SDK1: variants seen among roughly 807,000 people sequenced by gnomAD.
The protein encoded by SDK1 is protein sidekick-1.
In SDK1, 157 loss-of-function variants were observed where a neutral mutation model predicts 245.5. The ratio of observed to expected loss-of-function variants is 0.64; its 90% confidence interval spans 0.56 to 0.73. The LOEUF is 0.73. Among genes scored for constraint, SDK1 ranks in the 30% least tolerant of loss-of-function variants. SDK1 has a pLI of 0.00. For synonymous variants in SDK1, 1,647 were observed against 1,278.5 expected, an observed-to-expected ratio of 1.29 and a Z score of -6.15; for missense variants, 3,583 against 3,002.3, an observed-to-expected ratio of 1.19 and a Z score of -4.52.
intron 5 of SDK1, among the ~76,000 whole-genome samples, chr7:3,899,257 T>A (rs530218135): frequency 2.0e-5 from 3 of 152,178 alleles, no homozygotes; most frequent in African/African-American, 4.8e-5. Context: ...TACAGAAATA[T>A]TGCGCTTTAA....
At chr7:4,229,072 C>T (rs1453314184) in intron 40 of SDK1, among the ~76,000 whole-genome samples, 1 of 152,214 alleles carries the variant, frequency 6.6e-6, no homozygotes, top group Non-Finnish European at 1.5e-5. Context: ...TTGCATAAAT[C>T]TCATTTTTGC....
intron 19 of SDK1, 86 bp downstream of exon 19, chr7:4,051,916 G>C (rs1778879021): frequency 2.3e-6 from 3 of 1,309,058 alleles, no homozygotes; most frequent in Non-Finnish European, 3.2e-6. Flanking sequence ...CAAGGGCAGA[G>C]GTGGATCACG....
At position 3,766,669 on chromosome 7, in the gene SDK1, T is replaced by C. The variant is rs192228027; in HGVS notation, c.714-54781T>C. 5.0e-3 allele frequency among the ~76,000 whole-genome samples: 756 copies of C among 152,314 alleles called. 6 individuals carry two copies. The highest frequency in any genetic ancestry group is 0.015 in the South Asian group (74 of 4,832). On this transcript the variant is annotated intron_variant, in intron 4 of 44. Coordinates refer to ENST00000404826, the MANE Select transcript of SDK1 (RefSeq NM_152744.4). ...AATAGCTTTTGGTTATTATGGGCTA[T>C]TATGACTTCAGAAATAATAAATATA...
chr7:3,678,721 C>T (rs1484456109), intron 4 of SDK1, among the ~76,000 whole-genome samples: 1 of 152,114 alleles, frequency 6.6e-6, no homozygotes, highest in Non-Finnish European at 1.5e-5. Flanking sequence ...ATATGCACAA[C>T]ACTGTGAATG....
chr7:3,874,159 A>C (rs887032043), intron 5 of SDK1, among the ~76,000 whole-genome samples: 3 of 152,170 alleles, frequency 2.0e-5, no homozygotes, highest in African/African-American at 7.2e-5. Context: ...AGATTTGGCT[A>C]GGTTTAAAGT....
chr7:3,865,150 G>A (rs572706030), intron 5 of SDK1, among the ~76,000 whole-genome samples: 2 of 152,284 alleles, frequency 1.3e-5, no homozygotes, highest in Non-Finnish European at 2.9e-5. Context: ...AGTGATGAAC[G>A]TCCACAGAGA....
intron 5 of SDK1, among the ~76,000 whole-genome samples, chr7:3,821,891 A>C (rs1779656185): frequency 6.6e-6 from 1 of 152,202 alleles, no homozygotes; most frequent in Non-Finnish European, 1.5e-5. Flanking sequence ...AAGAACTTTC[A>C]ATTTAAATGA....
At chr7:3,550,981 T>C (rs952139012) in intron 1 of SDK1, among the ~76,000 whole-genome samples, 1 of 152,246 alleles carries the variant, frequency 6.6e-6, no homozygotes, top group Non-Finnish European at 1.5e-5. Flanking sequence ...ACAGAATGTA[T>C]AGCAGTGTTG....
chr7:4,224,338 A>G (rs1785301525), intron 40 of SDK1, among the ~76,000 whole-genome samples: 1 of 152,272 alleles, frequency 6.6e-6, no homozygotes, highest in African/African-American at 2.4e-5. Flanking sequence ...CAATCATGGC[A>G]GAAAGCCAAC....
chr7:3,361,858 A>G (rs1004436556), intron 1 of SDK1, among the ~76,000 whole-genome samples: 3 of 152,070 alleles, frequency 2.0e-5, no homozygotes, highest in Admixed American at 2.0e-4. Context: ...TACTAATAAT[A>G]CTGAAAGTAA....
chr7:3,798,343 G>T (rs1354894513), intron 4 of SDK1, among the ~76,000 whole-genome samples: 1 of 149,642 alleles, frequency 6.7e-6, no homozygotes, highest in Admixed American at 6.7e-5. Context: ...TCAGCCTCCC[G>T]AGTAGCTGGG....
chr7:3,466,742 A>G (rs971062519), intron 1 of SDK1, among the ~76,000 whole-genome samples: 1 of 151,824 alleles, frequency 6.6e-6, no homozygotes, highest in East Asian at 1.9e-4. Context: ...ATAATCTGTC[A>G]AGAGGATTAT....
chr7:3,583,123 C>G lies in SDK1; in HGVS notation c.299-35957C>G, dbSNP rs1780565121. Among the ~76,000 whole-genome samples, 4 of 152,200 alleles carry G rather than the reference C, an allele frequency of 2.6e-5. No individual in the cohort carries two copies. In the South Asian group the frequency reaches 6.2e-4, roughly 24 times the overall value. ...TGGAGACCGGAGGTATCGGTGTCAACACTCTGCAGGCCTCCAGCTGGTTCC... is the reference window on the plus strand; with the variant it reads ...TGGAGACCGGAGGTATCGGTGTCAAGACTCTGCAGGCCTCCAGCTGGTTCC... On this transcript the variant is annotated intron_variant, in intron 1 of 44. Transcript: ENST00000404826.
intron 20 of SDK1, among the ~76,000 whole-genome samples, chr7:4,074,435 C>T (rs963139368): frequency 1.3e-5 from 2 of 152,116 alleles, no homozygotes; most frequent in Admixed American, 1.3e-4. Flanking sequence ...TTGGTTTCTT[C>T]CTTTGTGAAA....
intron 1 of SDK1, among the ~76,000 whole-genome samples, chr7:3,574,766 A>G (rs998460271): frequency 3.3e-5 from 5 of 152,130 alleles, no homozygotes; most frequent in Non-Finnish European, 7.4e-5. Context: ...GAAACAAACC[A>G]ACTACTCAAA....
chr7:3,309,043 A>C (rs2128542760), intron 1 of SDK1, among the ~76,000 whole-genome samples: 1 of 152,272 alleles, frequency 6.6e-6, no homozygotes, highest in East Asian at 1.9e-4. Context: ...GTTTTAGAGT[A>C]AGGAGGGATT....
intron 4 of SDK1, among the ~76,000 whole-genome samples, chr7:3,754,419 C>G (rs1779859420): frequency 6.6e-6 from 1 of 152,132 alleles, no homozygotes; most frequent in South Asian, 2.1e-4. Context: ...AGAAAGAAAA[C>G]TCTTTTATTG....
chr7:3,425,779 G>C (rs6651070), intron 1 of SDK1, among the ~76,000 whole-genome samples: 58,544 of 152,068 alleles, frequency 0.38, 12,543 homozygotes, highest in South Asian at 0.49. Context: ...TTTATTGAAA[G>C]TCCTGGAAAA....
intron 1 of SDK1, among the ~76,000 whole-genome samples, chr7:3,571,522 C>G (rs1018901630): frequency 5.3e-5 from 8 of 151,902 alleles, no homozygotes; most frequent in African/African-American, 1.4e-4. Flanking sequence ...CCAAGCTGGT[C>G]TTAAACTCCT....
Sources: gnomAD v4.1 joint callset for allele counts (sites outside exome capture counted in the v4.1 genomes callset) on GRCh38, gnomAD v4.1.1 for gene constraint, MANE v1.5 for transcripts, NCBI Gene and HGNC (gene_info 2026-07-23, HGNC 2026-07-21) for gene names.